SND1: variants seen among roughly 807,000 people sequenced by gnomAD.
SND1 encodes the protein staphylococcal nuclease domain-containing protein 1.
SND1 carries 38 observed loss-of-function variants against 121.7 expected under a neutral mutation model. The ratio of observed to expected loss-of-function variants is 0.31; its 90% CI spans 0.24 to 0.41. The LOEUF (loss-of-function observed/expected upper bound fraction) is 0.41, where lower values mean the gene tolerates loss of function less well. SND1 is among the 10% of genes least tolerant of loss of function. The probability of loss-of-function intolerance (pLI) is 1.00; values close to 1 mark genes in which losing one functional copy is unlikely to be tolerated. For synonymous variants in SND1, 401 were observed against 447.4 expected (o/e 0.90, Z 1.31); for missense variants, 868 against 1,184.6 (o/e 0.73, Z 3.92).
At chr7:127,977,523 G>C (rs1335638310) in intron 15 of SND1, among the ~76,000 whole-genome samples, 5 of 152,114 alleles carry the variant, frequency 3.3e-5, no homozygotes, top group African/African-American at 9.7e-5. Flanking sequence ...AAAATAAGAA[G>C]CAGAACATTG....
intron 13 of SND1, among the ~76,000 whole-genome samples, chr7:127,894,501 T>G (rs1487486022): frequency 6.6e-6 from 1 of 152,124 alleles, no homozygotes; most frequent in Non-Finnish European, 1.5e-5. Flanking sequence ...TGCCAGTATT[T>G]TCTGTTGCTA....
intron 10 of SND1, among the ~76,000 whole-genome samples, chr7:127,803,260 G>A (rs1434377000): frequency 6.6e-6 from 1 of 152,046 alleles, no homozygotes; most frequent in Non-Finnish European, 1.5e-5. Flanking sequence ...CAATCTCAGT[G>A]CGGCCTGCCC....
rs569165589 is a variant in SND1 at position 127,974,892 on chromosome 7, CT to C, written c.1670-16052del. Among the ~76,000 whole-genome samples, 26 of 152,310 alleles carry C rather than the reference CT, an allele frequency of 1.7e-4. No homozygotes were observed. The East Asian group carries it at 5.0e-3, about 29-fold the overall frequency. On this transcript the variant is annotated intron_variant, in intron 15 of 23. Coordinates refer to ENST00000354725, the MANE Select transcript of SND1 (RefSeq NM_014390.4). ...GACTGAGAAAGAAAAGGCCATCTTC[CT>C]TTGTCCCCTGGGTCTTGAGTTGTAT...
chr7:127,801,674 A>G (rs983589351), intron 10 of SND1, among the ~76,000 whole-genome samples: 17 of 152,178 alleles, frequency 1.1e-4, no homozygotes, highest in African/African-American at 4.1e-4. Flanking sequence ...AATCAAACCC[A>G]AAAACCTTAT....
chr7:127,989,658 T>G (rs1802476213), intron 15 of SND1, among the ~76,000 whole-genome samples: 1 of 152,158 alleles, frequency 6.6e-6, no homozygotes, highest in Non-Finnish European at 1.5e-5. Context: ...TCTGCCTTAC[T>G]GCAGCAGGAG....
chr7:127,891,455 C>T (rs1800007565), intron 13 of SND1, among the ~76,000 whole-genome samples: 2 of 152,076 alleles, frequency 1.3e-5, no homozygotes, highest in Admixed American at 1.3e-4. Context: ...GCATTCTTCT[C>T]ACCTCTCTCA....
At chr7:127,664,123 T>G (rs935490178) in intron 1 of SND1, among the ~76,000 whole-genome samples, 2 of 152,206 alleles carry the variant, frequency 1.3e-5, no homozygotes, top group Non-Finnish European at 2.9e-5. Flanking sequence ...CCTGCCAGGC[T>G]TAAGACATCC....
intron 15 of SND1, among the ~76,000 whole-genome samples, chr7:127,957,110 C>T (rs561430935): frequency 1.3e-5 from 2 of 152,204 alleles, no homozygotes; most frequent in Non-Finnish European, 2.9e-5. Flanking sequence ...TATTAAGTTG[C>T]ATGATCCTAT....
At chr7:127,666,653 A>G (rs1336247501) in intron 1 of SND1, among the ~76,000 whole-genome samples, 1 of 152,120 alleles carries the variant, frequency 6.6e-6, no homozygotes, top group Non-Finnish European at 1.5e-5. Flanking sequence ...TAGGGAAGGT[A>G]GAATATTATG....
At chr7:127,708,759 A>G (rs1796249454) in intron 9 of SND1, among the ~76,000 whole-genome samples, 1 of 152,346 alleles carries the variant, frequency 6.6e-6, no homozygotes, top group African/African-American at 2.4e-5. Flanking sequence ...GTGTCTTCCC[A>G]AAATGCTGTA....
chr7:127,863,127 TAAC>T (rs1381564134), intron 12 of SND1, among the ~76,000 whole-genome samples: 2 of 152,192 alleles, frequency 1.3e-5, no homozygotes, highest in Admixed American at 6.5e-5. Context: ...TGAAAATTAA[TAAC>T]AACAGCAGTG....
intron 16 of SND1, among the ~76,000 whole-genome samples, chr7:128,017,902 C>T (rs552410745): frequency 1.4e-3 from 220 of 152,350 alleles, no homozygotes; most frequent in Non-Finnish European, 2.3e-3. Flanking sequence ...GGCACTGTGG[C>T]ATTTGTGCAG....
At chr7:127,782,107 T>A (rs2116521302) in intron 10 of SND1, among the ~76,000 whole-genome samples, 1 of 152,312 alleles carries the variant, frequency 6.6e-6, no homozygotes, top group South Asian at 2.1e-4. Flanking sequence ...CCTGGCTGGA[T>A]CCTCAGTAAC....
intron 14 of SND1, among the ~76,000 whole-genome samples, chr7:127,908,988 C>T (rs1304643792): frequency 6.6e-6 from 1 of 152,150 alleles, no homozygotes; most frequent in Non-Finnish European, 1.5e-5. Flanking sequence ...GCAGCCAGCC[C>T]TGCGAGTGCT....
chr7:127,857,233 C>A (rs1161314284), intron 12 of SND1, among the ~76,000 whole-genome samples: 1 of 138,196 alleles, frequency 7.2e-6, no homozygotes, highest in African/African-American at 2.7e-5. Context: ...CACTCTTCCG[C>A]CCAGGCTGGA....
chr7:128,054,870 G>T (rs1793109374), intron 16 of SND1, among the ~76,000 whole-genome samples: 1 of 152,218 alleles, frequency 6.6e-6, no homozygotes. Context: ...AACAAAATGG[G>T]CTGATGAATG....
At chr7:127,751,896 C>T (rs574226486) in intron 10 of SND1, among the ~76,000 whole-genome samples, 1 of 152,368 alleles carries the variant, frequency 6.6e-6, no homozygotes, top group Admixed American at 6.5e-5. Flanking sequence ...AGGCACGACG[C>T]TTCCCCAGCT....
At chr7:127,668,250 C>T (rs1795454135) in intron 1 of SND1, among the ~76,000 whole-genome samples, 1 of 152,142 alleles carries the variant, frequency 6.6e-6, no homozygotes, top group Non-Finnish European at 1.5e-5. Context: ...CATTAATTCC[C>T]TGCCTCTGTT....
At chr7:127,891,847 C>G (rs1800014375) in intron 13 of SND1, among the ~76,000 whole-genome samples, 1 of 152,062 alleles carries the variant, frequency 6.6e-6, no homozygotes, top group South Asian at 2.1e-4. Flanking sequence ...AATTAATTTC[C>G]CAAGCAAAAT....
Sources: gnomAD v4.1 joint callset for allele counts (sites outside exome capture counted in the v4.1 genomes callset) on GRCh38, gnomAD v4.1.1 for gene constraint, MANE v1.5 for transcripts, NCBI Gene and HGNC (gene_info 2026-07-23, HGNC 2026-07-21) for gene names.